The following KIAA1671 variants were observed in gnomAD, a reference collection of about 807,000 sequenced individuals.
KIAA1671 encodes the protein uncharacterized protein KIAA1671.
In KIAA1671, 52 loss-of-function variants were observed where a neutral mutation model predicts 131.2. That is an observed-to-expected ratio of 0.40 (90% CI 0.32 to 0.50). The LOEUF is 0.50. Among genes scored for constraint, KIAA1671 ranks in the 20% least tolerant of loss-of-function variants. KIAA1671 has a pLI of 0.73. For synonymous variants in KIAA1671, 1,003 were observed against 961.6 expected (o/e 1.04, Z -0.80); for missense variants, 2,360 against 2,364.2 (o/e 1.00, Z 0.04).
rs574807619 is a variant in KIAA1671 at position 25,087,666 on chromosome 22, C to T, written c.4530+38302C>T. Among the ~76,000 whole-genome samples the T allele has an allele frequency of 1.2e-4, 19 of 152,320 alleles. 1 individual carries two copies. In the South Asian group the frequency reaches 2.9e-3, roughly 23 times the overall value. ...GATTTTGCAGAGCAGTGTCTCAGGT[C>T]GGGTTCCCAGAAGCAGACTCTGAGG... is the stretch of plus-strand genomic sequence containing the variant. On this transcript the variant is annotated intron_variant, in intron 6 of 12. Transcript: ENST00000358431.
At chr22:25,139,256 C>T (rs797005435) in intron 6 of KIAA1671, among the ~76,000 whole-genome samples, 10 of 152,222 alleles carry the variant, frequency 6.6e-5, no homozygotes, top group African/African-American at 9.6e-5. Flanking sequence ...TGATGGGGCT[C>T]ACCCTGGGAA....
intron 6 of KIAA1671, among the ~76,000 whole-genome samples, chr22:25,162,254 G>C (rs1253560716): frequency 6.6e-6 from 1 of 152,192 alleles, no homozygotes; most frequent in African/African-American, 2.4e-5. Context: ...CACAGGATGA[G>C]AAGCTGCCTG....
At chr22:25,070,108 T>C (rs1928731483) in intron 6 of KIAA1671, 1 of 356,466 alleles carries the variant, frequency 2.8e-6, no homozygotes, top group Non-Finnish European at 5.0e-6. Context: ...GATCCACCCC[T>C]GGACCCGCCC....
chr22:25,120,330 G>A (rs889763897), intron 6 of KIAA1671, among the ~76,000 whole-genome samples: 12 of 152,258 alleles, frequency 7.9e-5, no homozygotes, highest in African/African-American at 2.9e-4. Context: ...CAGGCAGGCA[G>A]GACAGGCTGC....
intron 6 of KIAA1671, among the ~76,000 whole-genome samples, chr22:25,066,057 G>T (rs917534222): frequency 5.3e-5 from 8 of 152,156 alleles, no homozygotes; most frequent in African/African-American, 1.9e-4. Context: ...CTTGTAGATG[G>T]TGTTGTCTAG....
intron 6 of KIAA1671, chr22:25,052,826 C>T (rs988401305): frequency 1.3e-5 from 2 of 152,138 alleles, no homozygotes; most frequent in Admixed American, 6.5e-5. Flanking sequence ...AAGTGATTCT[C>T]GTGCCTCAGC....
chr22:25,053,044 A>G (rs1927623599), intron 6 of KIAA1671: 1 of 152,154 alleles, frequency 6.6e-6, no homozygotes, highest in African/African-American at 2.4e-5. Context: ...ATTTGCGGCC[A>G]GGTTTTTTTT....
At chr22:25,149,719 G>A (rs1932973028) in intron 6 of KIAA1671, among the ~76,000 whole-genome samples, 1 of 152,004 alleles carries the variant, frequency 6.6e-6, no homozygotes, top group Non-Finnish European at 1.5e-5. Context: ...ACTAGTCCCC[G>A]GACTCCTCTC....
chr22:24,961,176 T>G (rs879414450), intron 1 of KIAA1671, among the ~76,000 whole-genome samples: 2 of 152,104 alleles, frequency 1.3e-5, no homozygotes, highest in Non-Finnish European at 2.9e-5. Flanking sequence ...GCCTGGCTAA[T>G]TTTTGTAGAG....
chr22:25,031,673 G>A (rs1926301581), intron 3 of KIAA1671, among the ~76,000 whole-genome samples: 1 of 152,190 alleles, frequency 6.6e-6, no homozygotes, highest in African/African-American at 2.4e-5. Context: ...GATCTTATGT[G>A]TAGCCGGGGC....
chr22:25,011,782 T>C lies in KIAA1671; in HGVS notation c.-207-13851T>C, dbSNP rs189196596. 288 of 151,718 alleles carry C rather than the reference T, an allele frequency of 1.9e-3. 1 individual carries two copies. Among genetic ancestry groups the C allele is most frequent in the Non-Finnish European group, 3.4e-3 (232 of 67,958 alleles). The allele number at this position is 151,718 out of a possible 1,614,324, so 9.4% of individuals were successfully genotyped here. ...CCTCCTGAGTAGCTGGGATTACAGGTGTCTGCCACCATGCCTGGCTAATTT... is the reference window on the plus strand; with the variant it reads ...CCTCCTGAGTAGCTGGGATTACAGGCGTCTGCCACCATGCCTGGCTAATTT... On this transcript the variant is annotated intron_variant, in intron 1 of 12. Coordinates refer to ENST00000358431, the MANE Select transcript of KIAA1671 (RefSeq NM_001145206.2).
At chr22:25,017,795 C>G (rs1925409859) in intron 1 of KIAA1671, among the ~76,000 whole-genome samples, 1 of 152,142 alleles carries the variant, frequency 6.6e-6, no homozygotes, top group South Asian at 2.1e-4. Context: ...TAAGCCAGGG[C>G]TTCTTACTCC....
chr22:25,192,225 C>T (rs1171267473), intron 12 of KIAA1671, among the ~76,000 whole-genome samples, 181 bp from the exon 13 acceptor site: 1 of 152,052 alleles, frequency 6.6e-6, no homozygotes, highest in Non-Finnish European at 1.5e-5. Context: ...CACTGTATTC[C>T]ATGCCTGCCA....
At chr22:25,049,553 G>GTGGC in intron 6 of KIAA1671, 189 bp downstream of exon 6, 1 of 612,376 alleles carries the variant, frequency 1.6e-6, no homozygotes. Context: ...AGGGTGTTTG[G>GTGGC]TGGCTCTGCT....
In KIAA1671 at chr22:25,185,627, C is replaced by T. The variant is rs191110625; in HGVS notation, c.5342+508C>T. ...ACGAGCACAAAGCAGCTTCTGCCCC[C>T]CAAGAGGCTCTCAGGCTCTCAGAGG... On this transcript the variant is annotated intron_variant, in intron 11 of 12. Coordinates refer to ENST00000358431, the MANE Select transcript of KIAA1671 (RefSeq NM_001145206.2). 4.4e-3 allele frequency: 599 copies of T among 137,172 alleles called. 1 individual carries two copies. The highest frequency in any genetic ancestry group is 7.6e-3 in the Non-Finnish European group (491 of 64,500). 8.5% of individuals were successfully genotyped at this position (137,172 alleles called of 1,614,324 possible).
intron 6 of KIAA1671, among the ~76,000 whole-genome samples, chr22:25,089,244 G>T (rs1311234781): frequency 6.6e-6 from 1 of 151,604 alleles, no homozygotes; most frequent in Non-Finnish European, 1.5e-5. Context: ...GATACCAAGG[G>T]GTGCCTGTGT....
At chr22:24,961,149 C>T (rs1438326794) in intron 1 of KIAA1671, among the ~76,000 whole-genome samples, 1 of 152,128 alleles carries the variant, frequency 6.6e-6, no homozygotes, top group Non-Finnish European at 1.5e-5. Context: ...GCTGGGATTA[C>T]AGGCATGCAC....
Position 25,031,753 on chromosome 22 carries a change from A to G in KIAA1671, c.1542-856A>G, listed in dbSNP as rs1400440216. 3.9e-5 allele frequency among the ~76,000 whole-genome samples: 6 copies of G among 152,262 alleles called. No homozygotes were observed. The East Asian group carries it at 9.6e-4, about 24-fold the overall frequency. On this transcript the variant is annotated intron_variant, in intron 3 of 12. Transcript: ENST00000358431. Reference sequence around the variant, plus strand: ...CGGTCCTAATATGCTTCCTCTCACTATGTCATGGAAGAGCCTTGGAGAGGC... The same window carrying G: ...CGGTCCTAATATGCTTCCTCTCACTGTGTCATGGAAGAGCCTTGGAGAGGC...
intron 1 of KIAA1671, among the ~76,000 whole-genome samples, chr22:24,995,716 T>C (rs1924098948): frequency 6.6e-6 from 1 of 152,228 alleles, no homozygotes; most frequent in Non-Finnish European, 1.5e-5. Flanking sequence ...CTGATGTAGG[T>C]GTTGACCATT....
Sources: allele counts gnomAD v4.1 joint callset (sites outside exome capture counted in the v4.1 genomes callset), GRCh38; gene constraint gnomAD v4.1.1; transcripts MANE v1.5; gene names NCBI Gene and HGNC (gene_info 2026-07-23, HGNC 2026-07-21).